The following ZC3H12B variants were observed in gnomAD, a reference collection of about 807,000 sequenced individuals.
The protein encoded by ZC3H12B is zinc finger CCCH-type containing 12B, also known as probable ribonuclease ZC3H12B.
In ZC3H12B, 7 loss-of-function variants were observed where a neutral mutation model predicts 43.9. The ratio of observed to expected loss-of-function variants is 0.16; its 90% CI spans 0.09 to 0.30. The LOEUF (loss-of-function observed/expected upper bound fraction) is 0.30, where lower values mean the gene tolerates loss of function less well. Among genes scored for constraint, ZC3H12B ranks in the 10% least tolerant of loss-of-function variants. The pLI is 1.00. For missense variants in ZC3H12B, 475 were observed against 670.2 expected (o/e 0.71, Z 3.22); for synonymous variants, 222 against 241.7 (o/e 0.92, Z 0.76).
At chrX:65,163,863 C>T in the ZC3H12B span, among the ~76,000 whole-genome samples, 1 of 112,208 alleles carries the variant, frequency 8.9e-6, no homozygotes, top group African/African-American at 3.2e-5. Context: ...TCTTCTGCGT[C>T]ACTCACGCTG....
the ZC3H12B span, among the ~76,000 whole-genome samples, chrX:65,300,593 T>C: frequency 9.0e-6 from 1 of 111,153 alleles, no homozygotes. Context: ...TAGCCAAAGA[T>C]AAATGACATA....
At chrX:65,131,004 T>A in the ZC3H12B span, among the ~76,000 whole-genome samples, 1 of 112,208 alleles carries the variant, frequency 8.9e-6, no homozygotes, top group Non-Finnish European at 1.9e-5. Context: ...GCATTAATGA[T>A]GGTGGACCCT....
In ZC3H12B at chrX:65,504,829, C is replaced by G. The variant is rs189593006; in HGVS notation, c.*1620C>G. The G allele has an allele frequency of 5.3e-5, 6 of 112,661 alleles. No homozygotes were observed. In the Admixed American group the frequency reaches 5.7e-4, roughly 11 times the overall value. 9.3% of individuals were successfully genotyped at this position (112,661 alleles called of 1,213,427 possible). A position where few individuals can be genotyped will look rare whatever the true frequency, so the allele number is the denominator to read the frequency against. ...GTAATAAGGTCAATCATTGGTGGAACAGAATTTCTCTAGGAAACAAAACCA... is the reference window on the plus strand; with the variant it reads ...GTAATAAGGTCAATCATTGGTGGAAGAGAATTTCTCTAGGAAACAAAACCA... On this transcript the variant is annotated 3_prime_UTR_variant, in exon 5 of 5. Coordinates refer to ENST00000338957, the Ensembl canonical transcript of ZC3H12B.
chrX:65,197,809 C>G, the ZC3H12B span, among the ~76,000 whole-genome samples: 1 of 112,274 alleles, frequency 8.9e-6, no homozygotes, highest in Admixed American at 9.4e-5. Context: ...ACTCAGAGAG[C>G]TGAAACTGGG....
chrX:65,153,317 T>A, the ZC3H12B span, among the ~76,000 whole-genome samples: 1 of 110,764 alleles, frequency 9.0e-6, no homozygotes, highest in Admixed American at 9.6e-5. Flanking sequence ...TGGGAGAAAA[T>A]TTTTGCAACC....
At chrX:65,334,447 A>G in the ZC3H12B span, among the ~76,000 whole-genome samples, 1 of 112,333 alleles carries the variant, frequency 8.9e-6, no homozygotes, top group South Asian at 3.6e-4. Flanking sequence ...TACCAAAAAC[A>G]CATTTCACTT....
chrX:65,414,603 A>C (rs963473308), intron 3 of ZC3H12B, among the ~76,000 whole-genome samples: 2 of 111,614 alleles, frequency 1.8e-5, no homozygotes, highest in Non-Finnish European at 1.9e-5. Flanking sequence ...TTCCTCTGTA[A>C]GTGAGAGAAA....
At chrX:65,214,257 C>T in the ZC3H12B span, among the ~76,000 whole-genome samples, 1 of 111,068 alleles carries the variant, frequency 9.0e-6, no homozygotes, top group Non-Finnish European at 1.9e-5. Flanking sequence ...ATTAAATTTG[C>T]CACATCAATG....
At chrX:65,251,189 T>C in the ZC3H12B span, among the ~76,000 whole-genome samples, 14 of 111,935 alleles carry the variant, frequency 1.3e-4, no homozygotes, top group East Asian at 3.6e-3. Context: ...ATTTATTAAA[T>C]AGGGAATCGT....
chrX:65,169,000 G>A, the ZC3H12B span, among the ~76,000 whole-genome samples: 4 of 111,154 alleles, frequency 3.6e-5, no homozygotes, highest in Non-Finnish European at 7.5e-5. Context: ...TGGAGTCATT[G>A]ATTTTTAAAG....
intron 3 of ZC3H12B, among the ~76,000 whole-genome samples, chrX:65,426,125 C>A (rs774224928): frequency 9.4e-6 from 1 of 106,673 alleles, no homozygotes; most frequent in Admixed American, 1.0e-4. Flanking sequence ...TTTATTATTG[C>A]CTCAATTTCA....
chrX:65,214,966 CAG>C, the ZC3H12B span, among the ~76,000 whole-genome samples: 3 of 111,729 alleles, frequency 2.7e-5, no homozygotes, highest in Non-Finnish European at 5.6e-5. Flanking sequence ...AGCTGTCCAT[CAG>C]AGTTATTGAG....
the ZC3H12B span, among the ~76,000 whole-genome samples, chrX:65,308,192 G>A: frequency 1.8e-5 from 2 of 109,885 alleles, no homozygotes; most frequent in Non-Finnish European, 3.8e-5. Context: ...TACTCTATCA[G>A]AGCACATTGG....
At chrX:65,347,339 AG>A in the ZC3H12B span, among the ~76,000 whole-genome samples, 1 of 111,794 alleles carries the variant, frequency 8.9e-6, no homozygotes, top group African/African-American at 3.3e-5. Context: ...GGGAGAAACC[AG>A]TGCAAAAAGG....
chrX:65,322,208 TAAAC>T, the ZC3H12B span, among the ~76,000 whole-genome samples: 3 of 111,123 alleles, frequency 2.7e-5, no homozygotes. Flanking sequence ...CAGCTTCTCT[TAAAC>T]AAACAGCTCT....
intron 2 of ZC3H12B, among the ~76,000 whole-genome samples, chrX:65,383,177 G>A (rs1351921282): frequency 8.9e-6 from 1 of 111,761 alleles, no homozygotes; most frequent in East Asian, 2.8e-4. Context: ...AGAGTTGGAG[G>A]CATCACCCTA....
At chrX:65,156,524 G>T in the ZC3H12B span, among the ~76,000 whole-genome samples, 1 of 111,235 alleles carries the variant, frequency 9.0e-6, no homozygotes, top group African/African-American at 3.3e-5. Context: ...GGGATTACAG[G>T]CGTCTGTCAC....
the ZC3H12B span, among the ~76,000 whole-genome samples, chrX:65,200,617 G>A: frequency 9.3e-6 from 1 of 107,665 alleles, no homozygotes; most frequent in Non-Finnish European, 1.9e-5. Context: ...TGTATATTTA[G>A]TAGAGATGAG....
the ZC3H12B span, among the ~76,000 whole-genome samples, chrX:65,078,531 A>G: frequency 9.8e-5 from 11 of 112,039 alleles, no homozygotes; most frequent in African/African-American, 3.2e-4. Context: ...ATTGTCACAA[A>G]TGTTGCTGAG....
Sources: gnomAD v4.1 joint callset for allele counts (sites outside exome capture counted in the v4.1 genomes callset) on GRCh38, gnomAD v4.1.1 for gene constraint, MANE v1.5 for transcripts, NCBI Gene and HGNC (gene_info 2026-07-23, HGNC 2026-07-21) for gene names.